PREX1: variants seen among roughly 807,000 people sequenced by gnomAD.
The protein encoded by PREX1 is phosphatidylinositol-3,4,5-trisphosphate dependent Rac exchange factor 1, also known as phosphatidylinositol 3,4,5-trisphosphate-dependent Rac exchanger 1 protein.
In PREX1, 41 loss-of-function variants were observed where a neutral mutation model predicts 198.3. That is an observed-to-expected ratio of 0.21 (90% confidence interval 0.16 to 0.27). The LOEUF (loss-of-function observed/expected upper bound fraction) is 0.27, where lower values mean the gene tolerates loss of function less well. Among genes scored for constraint, PREX1 ranks in the 10% least tolerant of loss-of-function variants. PREX1 has a pLI of 1.00. For synonymous variants in PREX1, 843 were observed against 887.2 expected (o/e 0.95, Z 0.89); for missense variants, 1,620 against 2,200.7 (o/e 0.74, Z 5.28).
At position 48,690,934 on chromosome 20, in the gene PREX1, A is replaced by AGCT. The variant is rs777426352; in HGVS notation, c.1186+10_1186+12dup. ...CAGGGATCCCAGGCGAGCACCCCAA[A>AGCT]GCTGCTGCTCACTCTCGCGCTGCTC... is the stretch of plus-strand genomic sequence containing the variant. On this transcript the variant is annotated intron_variant, in intron 9 of 39. Transcript: ENST00000371941. 4 of 1,613,478 alleles carry AGCT rather than the reference A, an allele frequency of 2.5e-6. No homozygotes were observed. Among genetic ancestry groups the AGCT allele is most frequent in the Non-Finnish European group, 3.4e-6 (4 of 1,180,018 alleles).
chr20:48,636,202 A>G (rs1467606884), intron 32 of PREX1, among the ~76,000 whole-genome samples: 1 of 152,232 alleles, frequency 6.6e-6, no homozygotes, highest in Non-Finnish European at 1.5e-5. Context: ...GCTGGTCTGT[A>G]GCATGGATTC....
In PREX1 at chr20:48,758,263, CCTGT is replaced by C. The variant is rs2090163586; in HGVS notation, c.220-10387_220-10384del. On this transcript the variant is annotated intron_variant, in intron 1 of 39. Coordinates refer to ENST00000371941, the MANE Select transcript of PREX1 (RefSeq NM_020820.4). Reference sequence around the variant, plus strand: ...GAGGCCAGGGAGTCTGTACATCAGCCCTGTCTGTCACTAGTTTAAGGGCAGTGGG... The same window carrying C: ...GAGGCCAGGGAGTCTGTACATCAGCCCTGTCACTAGTTTAAGGGCAGTGGG... Among the ~76,000 whole-genome samples, 3 of 152,164 alleles carry C rather than the reference CCTGT, an allele frequency of 2.0e-5. No individual in the cohort carries two copies. The South Asian group carries it at 6.2e-4, about 31-fold the overall frequency.
At chr20:48,824,230 A>G (rs1048387294) in intron 1 of PREX1, among the ~76,000 whole-genome samples, 5 of 152,136 alleles carry the variant, frequency 3.3e-5, no homozygotes, top group Non-Finnish European at 5.9e-5. Flanking sequence ...CACACGCAAA[A>G]CACCAAACTC....
intron 1 of PREX1, chr20:48,821,741 A>C (rs959671004): frequency 6.6e-6 from 1 of 152,246 alleles, no homozygotes; most frequent in East Asian, 1.9e-4. Flanking sequence ...ACAGGTCTTC[A>C]GCTCTCTGGC....
rs763619070 is a variant in PREX1, at chr20:48,651,020, G to T, written c.2691C>A (p.Phe897Leu). 1 of 1,614,160 alleles carries T rather than the reference G, an allele frequency of 6.2e-7. No individual in the cohort carries two copies. Among genetic ancestry groups the T allele is most frequent in the Non-Finnish European group, 8.5e-7 (1 of 1,180,028 alleles). ...CCATGAGCCGCCTGCAGTTCTCCAC[G>T]AAGACGCTGTCATTGGCAGCAAAGG... Reference protein sequence around the residue: ...LEAFAANDSVFVENCRRLMAL... With the variant: ...LEAFAANDSVLVENCRRLMAL... Residue 897 changes from phenylalanine (F) to leucine (L), a missense_variant, in exon 23 of 40, where the codon TTC (phenylalanine) becomes TTA (leucine). Coordinates refer to ENST00000371941, the MANE Select transcript of PREX1 (RefSeq NM_020820.4).
intron 14 of PREX1, among the ~76,000 whole-genome samples, chr20:48,670,091 T>C (rs906466230): frequency 6.6e-6 from 1 of 152,232 alleles, no homozygotes; most frequent in Admixed American, 6.5e-5. Flanking sequence ...ACTTGGCAGT[T>C]GCTCAAGCTT....
upstream of PREX1, among the ~76,000 whole-genome samples, chr20:48,828,361 C>T (rs573651227): frequency 1.2e-4 from 18 of 152,164 alleles, 1 homozygote; most frequent in South Asian, 3.5e-3. Flanking sequence ...GCCACTCCCA[C>T]CCGGCACACG....
the PREX1 span, among the ~76,000 whole-genome samples, chr20:48,874,654 A>G: frequency 6.6e-6 from 1 of 152,100 alleles, no homozygotes; most frequent in Non-Finnish European, 1.5e-5. Flanking sequence ...AGGCAGGCAG[A>G]TGACTTGAGG....
intron 20 of PREX1, among the ~76,000 whole-genome samples, chr20:48,653,118 G>T (rs1008365348): frequency 6.6e-6 from 1 of 152,102 alleles, no homozygotes; most frequent in Middle Eastern, 3.2e-3. Flanking sequence ...GAGAGGGTCT[G>T]GTCACACCCA....
the PREX1 span, among the ~76,000 whole-genome samples, chr20:48,860,396 G>A: frequency 6.6e-6 from 1 of 152,322 alleles, no homozygotes; most frequent in Non-Finnish European, 1.5e-5. Context: ...GTTGTTTAAT[G>A]GGCATGGAGT....
At chr20:48,720,101 G>A (rs374919499) in intron 5 of PREX1, among the ~76,000 whole-genome samples, 26 of 152,246 alleles carry the variant, frequency 1.7e-4, no homozygotes, top group African/African-American at 6.0e-4. Flanking sequence ...TGTTCCCTCT[G>A]GAACAATTTT....
chr20:48,798,500 T>A (rs971212342), intron 1 of PREX1, among the ~76,000 whole-genome samples: 1 of 152,222 alleles, frequency 6.6e-6, no homozygotes, highest in Admixed American at 6.5e-5. Context: ...AGGCCCTGCA[T>A]GCTCTGTCCC....
At chr20:48,818,389 G>C (rs897302590) in intron 1 of PREX1, among the ~76,000 whole-genome samples, 1 of 152,232 alleles carries the variant, frequency 6.6e-6, no homozygotes, top group African/African-American at 2.4e-5. Flanking sequence ...GGAGCTGAGA[G>C]AGCCAAGAGG....
chr20:48,679,805 C>T (rs368489770), intron 11 of PREX1, 51 bp from the exon 12 acceptor site: 1 of 1,422,304 alleles, frequency 7.0e-7, no homozygotes, highest in Non-Finnish European at 9.9e-7. Flanking sequence ...TCAGCCCCTC[C>T]CAGCCACGCC....
chr20:48,769,744 A>T (rs886327650), intron 1 of PREX1, among the ~76,000 whole-genome samples: 1 of 151,866 alleles, frequency 6.6e-6, no homozygotes, highest in African/African-American at 2.4e-5. Flanking sequence ...CTCAAACGTC[A>T]CCTCCTCAGT....
At position 48,821,072 on chromosome 20, in the gene PREX1, C is replaced by T. The variant is rs1332739406; in HGVS notation, c.219+6570G>A. 1.2e-4 allele frequency among the ~76,000 whole-genome samples: 19 copies of T among 152,240 alleles called. No homozygotes were observed. The South Asian group carries it at 3.3e-3, about 27-fold the overall frequency. On this transcript the variant is annotated intron_variant, in intron 1 of 39. Transcript: ENST00000371941. Reference sequence around the variant, plus strand: ...CAAAAAGTAGCCGGGCATGGTGGCACGTGCCTGTAGTCCCAGCTATTCGGG... The same window carrying T: ...CAAAAAGTAGCCGGGCATGGTGGCATGTGCCTGTAGTCCCAGCTATTCGGG...
rs537828471 is a variant in PREX1 at position 48,776,747 on chromosome 20, G to A, written c.220-28867C>T. On this transcript the variant is annotated intron_variant, in intron 1 of 39. Coordinates refer to ENST00000371941, the MANE Select transcript of PREX1 (RefSeq NM_020820.4). ...ACCAATGCCTACTATGCGGGCACAC[G>A]TGAAGATTCAGCATTAACACAAAAA... 7.2e-5 allele frequency among the ~76,000 whole-genome samples: 11 copies of A among 152,300 alleles called. No individual in the cohort carries two copies. In the East Asian group the frequency reaches 9.6e-4, roughly 13 times the overall value.
At chr20:48,682,965 T>C (rs565353815) in intron 10 of PREX1, among the ~76,000 whole-genome samples, 1 of 152,270 alleles carries the variant, frequency 6.6e-6, no homozygotes, top group African/African-American at 2.4e-5. Flanking sequence ...CTGCCTGGTG[T>C]GTAGGTAGCG....
intron 1 of PREX1, among the ~76,000 whole-genome samples, chr20:48,790,827 G>A (rs1358962209): frequency 6.6e-6 from 1 of 151,970 alleles, no homozygotes; most frequent in Non-Finnish European, 1.5e-5. Context: ...CCACAGCCCA[G>A]CCCTCAGTGC....
Sources: gnomAD v4.1 joint callset for allele counts (sites outside exome capture counted in the v4.1 genomes callset) on GRCh38, gnomAD v4.1.1 for gene constraint, MANE v1.5 for transcripts, NCBI Gene and HGNC (gene_info 2026-07-23, HGNC 2026-07-21) for gene names.